Variants in KDM5A observed in about 807,000 individuals in gnomAD.
KDM5A encodes lysine-specific demethylase 5A.
KDM5A carries 42 observed loss-of-function variants against 193.5 expected under a neutral mutation model. The ratio of observed to expected loss-of-function variants is 0.22; its 90% CI spans 0.17 to 0.28. The LOEUF (loss-of-function observed/expected upper bound fraction) is 0.28, where lower values mean the gene tolerates loss of function less well. Among genes scored for constraint, KDM5A ranks in the 10% least tolerant of loss-of-function variants. The pLI is 1.00. For missense variants in KDM5A, 1,692 were observed against 2,055.1 expected (o/e 0.82, Z 3.42); for synonymous variants, 796 against 718.1 (o/e 1.11, Z -1.73).
intron 3 of KDM5A, among the ~76,000 whole-genome samples, chr12:371,090 C>T (rs1944422049): frequency 6.6e-6 from 1 of 152,100 alleles, no homozygotes; most frequent in Admixed American, 6.5e-5. Flanking sequence ...GTGCATGTGT[C>T]TTTATAACAG....
intron 10 of KDM5A, among the ~76,000 whole-genome samples, chr12:349,596 G>A (rs1375936259): frequency 6.6e-6 from 1 of 150,538 alleles, no homozygotes; most frequent in African/African-American, 2.4e-5. Context: ...ACAAAGTGCT[G>A]GGATTACAGG....
At chr12:320,731 T>C (rs139866751) in intron 18 of KDM5A, among the ~76,000 whole-genome samples, 2 of 152,332 alleles carry the variant, frequency 1.3e-5, no homozygotes, top group South Asian at 2.1e-4. Context: ...CAATTACATC[T>C]ATGTTAAATG....
chr12:281,220 A>G lies in KDM5A; in HGVS notation c.*4236T>C, dbSNP rs556928729. 2 of 233,172 alleles carry G rather than the reference A, an allele frequency of 8.6e-6. No individual in the cohort carries two copies. The highest frequency in any genetic ancestry group is 1.7e-5 in the Non-Finnish European group (2 of 117,982). The allele number at this position is 233,172 out of a possible 1,614,324, so 14.4% of individuals were successfully genotyped here. A position where few individuals can be genotyped will look rare whatever the true frequency, so the allele number is the denominator to read the frequency against. ...CAAGAAATCGAGTTATACTTTTCAT[A>G]AGGCACCACCAATTACCCTGATAAA... On this transcript the variant is annotated 3_prime_UTR_variant, in exon 28 of 28. Transcript: ENST00000399788.
chr12:357,707 A>G (rs1006968285), intron 5 of KDM5A, among the ~76,000 whole-genome samples: 1 of 151,534 alleles, frequency 6.6e-6, no homozygotes, highest in South Asian at 2.1e-4. Flanking sequence ...GCACGCCTAT[A>G]GTCCCAGCTA....
rs543912457 is a variant in KDM5A, at chr12:333,135, C to A, written c.1653+352G>T. The A allele has an allele frequency of 2.1e-4, 59 of 279,460 alleles. No individual in the cohort carries two copies. In the South Asian group the frequency reaches 2.3e-3, roughly 11 times the overall value. 17.3% of individuals were successfully genotyped at this position (279,460 alleles called of 1,614,324 possible). On this transcript the variant is annotated intron_variant, in intron 12 of 27. Coordinates refer to ENST00000399788, the MANE Select transcript of KDM5A (RefSeq NM_001042603.3). ...CTAAAATAACTTTAAATTAAAAATA[C>A]TGGCTGGGTGCAGTGGCTCACACCT...
intron 13 of KDM5A, among the ~76,000 whole-genome samples, chr12:331,554 G>A (rs994742411): frequency 2.6e-5 from 4 of 152,158 alleles, no homozygotes; most frequent in Admixed American, 1.3e-4. Context: ...GAAGGGGAAA[G>A]TGAAGGAATA....
intron 10 of KDM5A, among the ~76,000 whole-genome samples, chr12:348,644 A>C (rs1397139799): frequency 6.6e-6 from 1 of 152,150 alleles, no homozygotes; most frequent in African/African-American, 2.4e-5. Context: ...CATCATTCTC[A>C]GCAAACTATC....
At position 385,872 on chromosome 12, in the gene KDM5A, G is replaced by A. The variant is rs778128924; in HGVS notation, c.243+25C>T. 25 of 1,578,300 alleles carry A rather than the reference G, an allele frequency of 1.6e-5. No individual in the cohort carries two copies. The East Asian group carries it at 4.7e-4, about 30-fold the overall frequency. On this transcript the variant is annotated intron_variant, in intron 2 of 27. Transcript: ENST00000399788. The stretch of plus-strand genomic sequence containing the variant: ...CCTAATATAAAGAATGAATCAGGAA[G>A]CAGAAATAGTGACAAAACACTTACC...
intron 11 of KDM5A, among the ~76,000 whole-genome samples, chr12:333,939 T>C (rs549255955): frequency 1.3e-5 from 2 of 152,290 alleles, no homozygotes; most frequent in Admixed American, 1.3e-4. Context: ...GGAAAGACAC[T>C]ATATGAAAAG....
chr12:329,011 A>G lies in KDM5A; in HGVS notation c.1792T>C (p.Cys598Arg). The change falls in exon 14 of 28, where the codon TGT (cysteine) becomes CGT (arginine). Residue 598 changes from cysteine to arginine, a missense_variant. Cys to Arg is a radical substitution (Grantham distance 180). Coordinates refer to ENST00000399788, the MANE Select transcript of KDM5A (RefSeq NM_001042603.3). ...TADWLPIGRQ[C>R]VNHYRRLRRH... The stretch of plus-strand genomic sequence containing the variant: ...CTTAGGCGTCGGTAATGATTTACAC[A>G]TTGACGTCCAATGGGCAACTGAAAA... 6.2e-7 allele frequency: 1 copy of G among 1,614,206 alleles called. No homozygotes were observed. Among genetic ancestry groups the G allele is most frequent in the Non-Finnish European group, 8.5e-7 (1 of 1,180,014 alleles).
chr12:352,375 A>T, intron 8 of KDM5A, 51 bp from the exon 9 acceptor site: 1 of 1,533,786 alleles, frequency 6.5e-7, no homozygotes, highest in Non-Finnish European at 9.0e-7. Context: ...AACTGAAGAA[A>T]GCTTTAAGGC....
intron 3 of KDM5A, 75 bp downstream of exon 3, chr12:383,956 T>C: frequency 1.2e-5 from 18 of 1,469,682 alleles, no homozygotes; most frequent in Non-Finnish European, 1.7e-5. Flanking sequence ...GGAAGCAATG[T>C]TTCCTACCAA....
In KDM5A at chr12:361,217, C is replaced by T. The variant is rs1944290597; in HGVS notation, c.672+1746G>A. ...CCCTCCATTTTTTTTTTTCTGGAGA[C>T]GGAGTCTTGCTCTGTCGCCCAGACT... On this transcript the variant is annotated intron_variant, in intron 5 of 27. Transcript: ENST00000399788. 5.3e-5 allele frequency among the ~76,000 whole-genome samples: 8 copies of T among 151,420 alleles called. No homozygotes were observed. In the South Asian group the frequency reaches 1.0e-3, roughly 20 times the overall value.
intron 3 of KDM5A, among the ~76,000 whole-genome samples, chr12:383,016 T>C (rs915679792): frequency 1.3e-5 from 2 of 151,972 alleles, no homozygotes; most frequent in Non-Finnish European, 2.9e-5. Context: ...CATTAGGGAA[T>C]ATAATGTTAA....
intron 6 of KDM5A, 60 bp downstream of exon 6, chr12:356,372 G>C (rs543947657): frequency 9.7e-6 from 10 of 1,028,902 alleles, no homozygotes; most frequent in Admixed American, 5.3e-5. Flanking sequence ...AGTATCATTT[G>C]AGTTTTTTTA....
chr12:292,701 T>A, intron 27 of KDM5A, 58 bp downstream of exon 27: 1 of 1,608,498 alleles, frequency 6.2e-7, no homozygotes, highest in Non-Finnish European at 8.5e-7. Flanking sequence ...CAAACATGTG[T>A]CTCCACAACT....
chr12:355,446 C>G (rs1396466187), intron 6 of KDM5A, among the ~76,000 whole-genome samples, 197 bp from the exon 7 acceptor site: 2 of 152,298 alleles, frequency 1.3e-5, no homozygotes, highest in South Asian at 4.2e-4. Flanking sequence ...CAAAATCATA[C>G]AGCAAGGCAA....
chr12:350,819 T>A, intron 9 of KDM5A, 40 bp from the exon 10 acceptor site: 1 of 1,541,472 alleles, frequency 6.5e-7, no homozygotes, highest in Non-Finnish European at 9.0e-7. Flanking sequence ...ATTAAACCAC[T>A]ATAACTATAA....
chr12:322,167 G>C (rs991445574), intron 17 of KDM5A: 1 of 506,580 alleles, frequency 2.0e-6, no homozygotes, highest in Non-Finnish European at 3.6e-6. Context: ...GCAGAGTAAA[G>C]AGAGCATGAA....
Sources: allele counts gnomAD v4.1 joint callset (sites outside exome capture counted in the v4.1 genomes callset), GRCh38; gene constraint gnomAD v4.1.1; transcripts MANE v1.5; gene names NCBI Gene and HGNC (gene_info 2026-07-23, HGNC 2026-07-21).